Variants in IFT88 observed in about 807,000 individuals in gnomAD.
The protein encoded by IFT88 is intraflagellar transport protein 88 homolog.
In IFT88, 74 loss-of-function variants were observed where a neutral mutation model predicts 119.5. The ratio of observed to expected loss-of-function variants is 0.62; its 90% CI spans 0.51 to 0.75. IFT88 has a LOEUF of 0.75. Ranked by LOEUF, IFT88 falls within the 30% of genes least tolerant of loss-of-function variation. The pLI, the probability that IFT88 is intolerant of heterozygous loss-of-function variation, is 0.00. For missense variants in IFT88, 961 were observed against 977.7 expected (o/e 0.98, Z 0.23); for synonymous variants, 279 against 316.7 (o/e 0.88, Z 1.26).
rs192139125 is a variant in IFT88, at chr13:20,689,635, C to T, written c.2243-1070C>T. Among the ~76,000 whole-genome samples the T allele has an allele frequency of 2.0e-5, 3 of 152,254 alleles. No individual in the cohort carries two copies. In the East Asian group the frequency reaches 5.8e-4, roughly 29 times the overall value. On this transcript the variant is annotated intron_variant, in intron 24 of 25. Coordinates refer to ENST00000351808, the MANE Select transcript of IFT88 (RefSeq NM_006531.5). ...GCCAACTTTGTTTTATGTTTCTCAC[C>T]CAAACTTTTCTTCTCACATACTCAT...
intron 24 of IFT88, among the ~76,000 whole-genome samples, chr13:20,680,220 G>A (rs910747509): frequency 1.3e-5 from 2 of 152,178 alleles, no homozygotes; most frequent in African/African-American, 4.8e-5. Context: ...TTACATTCAG[G>A]CACTATCGCC....
intron 24 of IFT88, among the ~76,000 whole-genome samples, chr13:20,687,522 C>T (rs1481379567): frequency 6.6e-6 from 1 of 152,202 alleles, no homozygotes; most frequent in African/African-American, 2.4e-5. Flanking sequence ...CACTCTTGAA[C>T]AAGTCACTTC....
intron 12 of IFT88, among the ~76,000 whole-genome samples, chr13:20,604,135 G>A (rs1386863901): frequency 6.6e-6 from 1 of 152,104 alleles, no homozygotes; most frequent in East Asian, 1.9e-4. Flanking sequence ...CCACCTACTC[G>A]AGAAGCTGAG....
intron 23 of IFT88, among the ~76,000 whole-genome samples, chr13:20,665,078 CAAAA>C (rs397851417): frequency 4.8e-5 from 6 of 125,672 alleles, no homozygotes; most frequent in Non-Finnish European, 1.1e-4. Context: ...CACTCCGTCT[CAAAA>C]AAAAAAAAAG....
At chr13:20,581,997 G>C (rs2038770325) in intron 2 of IFT88, among the ~76,000 whole-genome samples, 1 of 151,922 alleles carries the variant, frequency 6.6e-6, no homozygotes, top group Non-Finnish European at 1.5e-5. Flanking sequence ...AAAGTTAATT[G>C]ATAGTGACTT....
rs116590048 is a variant in IFT88 at position 20,661,525 on chromosome 13, G to T, written c.2069-1973G>T. On this transcript the variant is annotated intron_variant, in intron 22 of 25. Transcript: ENST00000351808. ...CCAAGACGGGCGAATCACGAGCCAGGAGTTCAAGACCAGCCTGACCAACAT... is the reference window on the plus strand; with the variant it reads ...CCAAGACGGGCGAATCACGAGCCAGTAGTTCAAGACCAGCCTGACCAACAT... Among the ~76,000 whole-genome samples the T allele has an allele frequency of 1.3e-5, 2 of 152,176 alleles. 1 individual carries two copies. The highest frequency in any genetic ancestry group is 4.1e-4 in the South Asian group (2 of 4,820).
chr13:20,634,183 A>C (rs1342101264), intron 16 of IFT88, among the ~76,000 whole-genome samples: 1 of 152,186 alleles, frequency 6.6e-6, no homozygotes, highest in Non-Finnish European at 1.5e-5. Flanking sequence ...TCTTGTGCGC[A>C]TTGAGTTTGT....
chr13:20,613,667 AAAT>A lies in IFT88; in HGVS notation c.1113-2122_1113-2120del, dbSNP rs533021731. On this transcript the variant is annotated intron_variant, in intron 13 of 25. Coordinates refer to ENST00000351808, the MANE Select transcript of IFT88 (RefSeq NM_006531.5). Reference sequence around the variant, plus strand: ...TATTATTCATAATATCGAAAAATAGAAATAATCCAAATGTGCAACAATTAATGA... The same window carrying A: ...TATTATTCATAATATCGAAAAATAGAAATCCAAATGTGCAACAATTAATGA... 3.9e-4 allele frequency among the ~76,000 whole-genome samples: 48 copies of A among 121,822 alleles called. 1 individual carries two copies. Among genetic ancestry groups the A allele is most frequent in the African/African-American group, 1.2e-3 (47 of 39,470 alleles). The allele number at this position is 121,822 out of a possible 152,430, so 79.9% of individuals were successfully genotyped here.
chr13:20,672,528 G>A (rs970419699), intron 24 of IFT88, among the ~76,000 whole-genome samples: 2 of 152,084 alleles, frequency 1.3e-5, no homozygotes, highest in African/African-American at 2.4e-5. Flanking sequence ...TAATGGATCC[G>A]TGTGACTATC....
Position 20,591,695 on chromosome 13 carries a change from T to C in IFT88, c.328+14T>C. 1 of 1,561,022 alleles carries C rather than the reference T, an allele frequency of 6.4e-7. No homozygotes were observed. Among genetic ancestry groups the C allele is most frequent in the East Asian group, 2.3e-5 (1 of 44,424 alleles). On this transcript the variant is annotated intron_variant, in intron 6 of 25. Transcript: ENST00000351808. ...CAGCTTTGAGAGGTTTGTTACACTG[T>C]CTCTACTAATAATCTTTTTTGGATC...
intron 1 of IFT88, 61 bp from the exon 2 acceptor site, chr13:20,574,319 A>C: frequency 1.1e-6 from 1 of 915,292 alleles, no homozygotes; most frequent in Non-Finnish European, 1.6e-6. Context: ...GACATATCTC[A>C]AAAAATATAT....
chr13:20,691,306 C>A lies in IFT88; in HGVS notation c.*131C>A. On this transcript the variant is annotated 3_prime_UTR_variant, in exon 26 of 26. Transcript: ENST00000351808. ...AAAACTTAAGTAAGTGTATTCTATTCTGTATGTATGCATTTAAGTTGTTTT... is the reference window on the plus strand; with the variant it reads ...AAAACTTAAGTAAGTGTATTCTATTATGTATGTATGCATTTAAGTTGTTTT... 1 of 791,200 alleles carries A rather than the reference C, an allele frequency of 1.3e-6. No individual in the cohort carries two copies. Among genetic ancestry groups the A allele is most frequent in the Non-Finnish European group, 1.9e-6 (1 of 519,074 alleles). 49.0% of individuals were successfully genotyped at this position (791,200 alleles called of 1,614,324 possible).
chr13:20,614,305 G>A (rs2045205444), intron 13 of IFT88: 1 of 152,160 alleles, frequency 6.6e-6, no homozygotes, highest in South Asian at 2.1e-4. Flanking sequence ...TATTTCGTAT[G>A]TTTTTGTGAT....
chr13:20,656,457 T>G, intron 22 of IFT88, 27 bp downstream of exon 22: 3 of 1,151,278 alleles, frequency 2.6e-6, no homozygotes, highest in Non-Finnish European at 3.8e-6. Context: ...AATGTAACTT[T>G]GAAGTGATAA....
rs185817251 is a variant in IFT88 at position 20,658,903 on chromosome 13, C to G, written c.2068+2473C>G. On this transcript the variant is annotated intron_variant, in intron 22 of 25. Transcript: ENST00000351808. Reference sequence around the variant, plus strand: ...AGGTTTTTTTCTTTAGAGTATGAGTCACTCTAAGAATCAAATGAATGATTG... The same window carrying G: ...AGGTTTTTTTCTTTAGAGTATGAGTGACTCTAAGAATCAAATGAATGATTG... 4.6e-5 allele frequency among the ~76,000 whole-genome samples: 7 copies of G among 152,242 alleles called. No individual in the cohort carries two copies. In the East Asian group the frequency reaches 1.4e-3, roughly 29 times the overall value.
intron 9 of IFT88, among the ~76,000 whole-genome samples, chr13:20,597,480 C>T (rs1043312936): frequency 2.0e-5 from 3 of 152,062 alleles, no homozygotes; most frequent in Non-Finnish European, 4.4e-5. Flanking sequence ...TGCCGTGGCT[C>T]ACGCCTGTAA....
rs2047182028 is a variant in IFT88 at position 20,625,696 on chromosome 13, G to A, written c.1200-54G>A. On this transcript the variant is annotated intron_variant, in intron 14 of 25. Transcript: ENST00000351808. The stretch of plus-strand genomic sequence containing the variant: ...AAAGCCACATTTAAGAAAACCAACA[G>A]CATCAATATACTAAAACAAAATCAA... 9 of 1,201,990 alleles carry A rather than the reference G, an allele frequency of 7.5e-6. No homozygotes were observed. The South Asian group carries it at 9.4e-5, about 13-fold the overall frequency. The allele number at this position is 1,201,990 out of a possible 1,614,324, so 74.5% of individuals were successfully genotyped here.
intron 1 of IFT88, among the ~76,000 whole-genome samples, chr13:20,568,920 C>T (rs1422382407): frequency 1.3e-5 from 2 of 151,988 alleles, no homozygotes; most frequent in Non-Finnish European, 2.9e-5. Context: ...CGGGGTTTCA[C>T]CGTGTTAGCC....
chr13:20,578,614 A>G (rs1298940012), intron 2 of IFT88, among the ~76,000 whole-genome samples: 2 of 151,856 alleles, frequency 1.3e-5, no homozygotes, highest in African/African-American at 4.8e-5. Context: ...AAATGGTGCA[A>G]TCTCAGCTCA....
Sources: allele counts gnomAD v4.1 joint callset (sites outside exome capture counted in the v4.1 genomes callset), GRCh38; gene constraint gnomAD v4.1.1; transcripts MANE v1.5; gene names NCBI Gene and HGNC (gene_info 2026-07-23, HGNC 2026-07-21).